CNTNAP5: variants seen among roughly 807,000 people sequenced by gnomAD.
CNTNAP5 encodes contactin associated protein family member 5, also known as contactin-associated protein-like 5.
In CNTNAP5, 72 loss-of-function variants were observed where a neutral mutation model predicts 150.2. The observed-to-expected ratio is 0.48, with a 90% CI of 0.40 to 0.58. CNTNAP5 has a LOEUF of 0.58. Ranked by LOEUF, CNTNAP5 falls within the 20% of genes least tolerant of loss-of-function variation. CNTNAP5 has a pLI of 0.00. For missense variants in CNTNAP5, 1,636 were observed against 1,626.2 expected (o/e 1.01, Z -0.10); for synonymous variants, 672 against 619.8 (o/e 1.08, Z -1.25).
intron 1 of CNTNAP5, among the ~76,000 whole-genome samples, chr2:124,156,007 A>G (rs1573797745): frequency 6.6e-6 from 1 of 152,226 alleles, no homozygotes; most frequent in East Asian, 1.9e-4. Flanking sequence ...CGTATAAAAC[A>G]GAAGCCCAGT....
chr2:124,713,318 C>CCTTCCTTTCTTT lies in CNTNAP5; in HGVS notation c.2078-33908_2078-33907insCCTTTCTTTCTT, dbSNP rs1402534251. Among the ~76,000 whole-genome samples the CCTTCCTTTCTTT allele has an allele frequency of 4.3e-3, 188 of 43,962 alleles. 18 individuals are homozygous for CCTTCCTTTCTTT. Among genetic ancestry groups the CCTTCCTTTCTTT allele is most frequent in the Admixed American group, 6.5e-3 (22 of 3,398 alleles). The allele number at this position is 43,962 out of a possible 152,430, so 28.8% of individuals were successfully genotyped here. A position where few individuals can be genotyped will look rare whatever the true frequency, so the allele number is the denominator to read the frequency against. On this transcript the variant is annotated intron_variant, in intron 13 of 23. Coordinates refer to ENST00000682447, the MANE Select transcript of CNTNAP5 (RefSeq NM_001367498.1). Reference sequence around the variant, plus strand: ...CTTTCTTTCTTCTTTCTCTTTCTTTCCTTTCTTTCTTTCTTTCTTTCTTTC... The same window carrying CCTTCCTTTCTTT: ...CTTTCTTTCTTCTTTCTCTTTCTTTCCTTCCTTTCTTTCTTTCTTTCTTTCTTTCTTTCTTTC...
intron 1 of CNTNAP5, among the ~76,000 whole-genome samples, chr2:124,150,848 C>T (rs1472596301): frequency 1.3e-5 from 2 of 152,162 alleles, no homozygotes; most frequent in East Asian, 3.9e-4. Flanking sequence ...GGGGCACAAA[C>T]ATTTAGTCCG....
rs1201405807 is a variant in CNTNAP5 at position 124,798,246 on chromosome 2, C to A, written c.3143C>A (p.Thr1048Asn). ...KENIALSFVT[T>N]QAPSLLLFIN... ...AACATTGCACTTAGCTTTGTGACAA[C>A]CCAGGCACCCAGTCTTTTGCTCTTT... The change falls in exon 19 of 24, where the codon ACC (threonine) becomes AAC (asparagine). Residue 1048 changes from threonine (T) to asparagine (N), a missense_variant. Physicochemically the swap from Thr to Asn is moderately conservative, Grantham distance 65 (BLOSUM62 0). Transcript: ENST00000682447. 1 of 1,613,920 alleles carries A rather than the reference C, an allele frequency of 6.2e-7. No homozygotes were observed. The highest frequency in any genetic ancestry group is 8.5e-7 in the Non-Finnish European group (1 of 1,179,822).
intron 19 of CNTNAP5, among the ~76,000 whole-genome samples, chr2:124,850,942 G>A (rs991364440): frequency 6.6e-6 from 1 of 152,120 alleles, no homozygotes; most frequent in Non-Finnish European, 1.5e-5. Flanking sequence ...GGTAGCTTAG[G>A]GTTAAAATCT....
chr2:124,627,484 C>A (rs1677751432), intron 12 of CNTNAP5, among the ~76,000 whole-genome samples: 1 of 52,318 alleles, frequency 1.9e-5, no homozygotes, highest in African/African-American at 3.9e-5. Flanking sequence ...GAAGAAAGGC[C>A]TGTTAGAAGA....
At chr2:124,912,728 C>T (rs529182184) in intron 23 of CNTNAP5, among the ~76,000 whole-genome samples, 3 of 152,194 alleles carry the variant, frequency 2.0e-5, no homozygotes, top group East Asian at 3.9e-4. Context: ...TGACTCCTCT[C>T]CAGCTATTTA....
intron 13 of CNTNAP5, among the ~76,000 whole-genome samples, chr2:124,669,239 G>A (rs1390495657): frequency 6.6e-6 from 1 of 152,188 alleles, no homozygotes; most frequent in Non-Finnish European, 1.5e-5. Flanking sequence ...TTAGTTTTGA[G>A]CAAACAAGTT....
rs530196131 is a variant in CNTNAP5 at position 124,440,514 on chromosome 2, C to T, written c.733+5827C>T. On this transcript the variant is annotated intron_variant, in intron 5 of 23. Coordinates refer to ENST00000682447, the MANE Select transcript of CNTNAP5 (RefSeq NM_001367498.1). ...ACAAGGCATTTGGTTGAAAATACTG[C>T]AACATGCATGCCCTTTACCAGAAAA... 2.0e-4 allele frequency among the ~76,000 whole-genome samples: 31 copies of T among 152,194 alleles called. No individual in the cohort carries two copies. The South Asian group carries it at 3.7e-3, about 18-fold the overall frequency.
At chr2:124,828,731 T>A (rs1234442408) in intron 19 of CNTNAP5, among the ~76,000 whole-genome samples, 2 of 76,028 alleles carry the variant, frequency 2.6e-5, no homozygotes, top group Non-Finnish European at 4.6e-5. Flanking sequence ...AATGCAAGTG[T>A]TGGCAAAAAA....
At chr2:124,287,156 G>C (rs980919812) in intron 3 of CNTNAP5, among the ~76,000 whole-genome samples, 1 of 152,152 alleles carries the variant, frequency 6.6e-6, no homozygotes, top group Non-Finnish European at 1.5e-5. Context: ...CTACAATCGG[G>C]TGCTTACCTG....
At chr2:124,843,557 T>A (rs190140516) in intron 19 of CNTNAP5, among the ~76,000 whole-genome samples, 1 of 152,260 alleles carries the variant, frequency 6.6e-6, no homozygotes, top group Admixed American at 6.5e-5. Context: ...ACCGTAGATC[T>A]ACTTTTAGTT....
intron 1 of CNTNAP5, among the ~76,000 whole-genome samples, chr2:124,156,582 G>A (rs1315986941): frequency 3.3e-5 from 5 of 152,190 alleles, no homozygotes; most frequent in South Asian, 2.1e-4. Flanking sequence ...TGCAACCTCC[G>A]CTTTCCAGGT....
chr2:124,396,381 A>AG (rs1691245207), intron 3 of CNTNAP5, among the ~76,000 whole-genome samples: 1 of 152,184 alleles, frequency 6.6e-6, no homozygotes, highest in Non-Finnish European at 1.5e-5. Context: ...ATTGGTGCAG[A>AG]GGAGCTGCTG....
At chr2:124,781,315 G>T (rs1042738941) in intron 17 of CNTNAP5, among the ~76,000 whole-genome samples, 3 of 152,184 alleles carry the variant, frequency 2.0e-5, no homozygotes, top group Non-Finnish European at 2.9e-5. Context: ...ACTCAAGGCG[G>T]TATGAGCAGG....
At chr2:124,061,182 C>T (rs574074851) in intron 1 of CNTNAP5, among the ~76,000 whole-genome samples, 36 of 152,172 alleles carry the variant, frequency 2.4e-4, no homozygotes, top group African/African-American at 6.5e-4. Context: ...AACAAAGCCT[C>T]GGTATTTGCC....
Position 124,113,504 on chromosome 2 carries a change from A to G in CNTNAP5, c.82+87772A>G, listed in dbSNP as rs1418720190. Among the ~76,000 whole-genome samples the G allele has an allele frequency of 7.8e-5, 9 of 115,352 alleles. No individual in the cohort carries two copies. In the South Asian group the frequency reaches 9.5e-4, roughly 12 times the overall value. 75.7% of individuals were successfully genotyped at this position (115,352 alleles called of 152,430 possible). ...ATATATCTATTCAACTGATACATAT[A>G]TATGTGTGTGTGTGTGTGTGTGTGT... is the stretch of plus-strand genomic sequence containing the variant. On this transcript the variant is annotated intron_variant, in intron 1 of 23. Coordinates refer to ENST00000682447, the MANE Select transcript of CNTNAP5 (RefSeq NM_001367498.1).
chr2:124,785,859 G>A (rs1366369940), intron 17 of CNTNAP5, among the ~76,000 whole-genome samples: 1 of 152,156 alleles, frequency 6.6e-6, no homozygotes, highest in African/African-American at 2.4e-5. Flanking sequence ...GAAAGGAAGA[G>A]CAGGGGCTGA....
intron 13 of CNTNAP5, among the ~76,000 whole-genome samples, chr2:124,685,748 G>A (rs1179268820): frequency 8.0e-6 from 1 of 124,806 alleles, no homozygotes; most frequent in Non-Finnish European, 1.8e-5. Context: ...AAGTGTGTGT[G>A]TGTGTGTGTG....
chr2:124,695,745 C>T (rs1294689634), intron 13 of CNTNAP5, among the ~76,000 whole-genome samples: 1 of 152,138 alleles, frequency 6.6e-6, no homozygotes, highest in Non-Finnish European at 1.5e-5. Flanking sequence ...GACTGATAGA[C>T]AGCTCATACC....
Sources: gnomAD v4.1 joint callset for allele counts (sites outside exome capture counted in the v4.1 genomes callset) on GRCh38, gnomAD v4.1.1 for gene constraint, MANE v1.5 for transcripts, NCBI Gene and HGNC (gene_info 2026-07-23, HGNC 2026-07-21) for gene names.